The following ANKFN1 variants were observed in gnomAD, a reference collection of about 807,000 sequenced individuals.
The protein encoded by ANKFN1 is ankyrin repeat and fibronectin type-III domain-containing protein 1.
A neutral mutation model predicts 108.7 loss-of-function variants in ANKFN1; 74 were observed. The observed-to-expected ratio is 0.68, with a 90% CI of 0.56 to 0.83. The LOEUF (loss-of-function observed/expected upper bound fraction) is 0.83, where lower values mean the gene tolerates loss of function less well. Ranked by LOEUF, ANKFN1 falls within the 40% of genes least tolerant of loss-of-function variation. The probability of loss-of-function intolerance (pLI) is 0.00; values close to 1 mark genes in which losing one functional copy is unlikely to be tolerated. For missense variants in ANKFN1, 1,505 were observed against 1,382.3 expected, an observed-to-expected ratio of 1.09 and a Z score of -1.41; for synonymous variants, 547 against 516.2, an observed-to-expected ratio of 1.06 and a Z score of -0.81.
chr17:56,423,991 TGCAG>T (rs1212074154), intron 8 of ANKFN1, among the ~76,000 whole-genome samples: 67 of 152,224 alleles, frequency 4.4e-4, no homozygotes, highest in African/African-American at 1.6e-3. Flanking sequence ...GTCATTAAAA[TGCAG>T]TAATTACTAT....
At chr17:56,436,901 C>A (rs1431823338) in intron 8 of ANKFN1, among the ~76,000 whole-genome samples, 1 of 151,928 alleles carries the variant, frequency 6.6e-6, no homozygotes, top group Non-Finnish European at 1.5e-5. Flanking sequence ...CTCTGTTTCC[C>A]TCTTCATTCT....
intron 3 of ANKFN1, among the ~76,000 whole-genome samples, chr17:56,269,331 T>G (rs1457061836): frequency 6.6e-6 from 1 of 152,254 alleles, no homozygotes; most frequent in East Asian, 1.9e-4. Flanking sequence ...TTCTGGCATA[T>G]TCATTGTAAT....
intron 2 of ANKFN1, among the ~76,000 whole-genome samples, chr17:56,218,045 G>T (rs1199011902): frequency 2.0e-5 from 3 of 152,088 alleles, no homozygotes; most frequent in Non-Finnish European, 2.9e-5. Context: ...TGAGTCATTA[G>T]ATTCCAACAA....
intron 4 of ANKFN1, among the ~76,000 whole-genome samples, chr17:56,130,216 G>T (rs113763769): frequency 6.6e-5 from 10 of 152,296 alleles, no homozygotes; most frequent in African/African-American, 2.2e-4. Context: ...CTCGTGTCTT[G>T]CTCAGGAGGC....
intron 3 of ANKFN1, among the ~76,000 whole-genome samples, chr17:56,281,420 C>T (rs1037583100): frequency 2.0e-5 from 3 of 151,952 alleles, no homozygotes; most frequent in Admixed American, 6.6e-5. Context: ...GGATCACAGA[C>T]CTAAATGTAT....
In ANKFN1 at chr17:56,097,026, A is replaced by G. The variant is rs535728708; in HGVS notation, c.288+50701A>G. Among the ~76,000 whole-genome samples the G allele has an allele frequency of 2.6e-5, 4 of 152,292 alleles. No individual in the cohort carries two copies. In the South Asian group the frequency reaches 6.2e-4, roughly 24 times the overall value. ...TTAAGAGAGGAGCAGAAAACCAAAT[A>G]TCACATATACTCGATTATAAGTGGG... On this transcript the variant is annotated intron_variant, in intron 4 of 12. Coordinates refer to the ANKFN1 transcript ENST00000635860.
intron 3 of ANKFN1, among the ~76,000 whole-genome samples, chr17:56,252,048 A>G (rs2043246999): frequency 6.6e-6 from 1 of 152,252 alleles, no homozygotes; most frequent in Non-Finnish European, 1.5e-5. Flanking sequence ...TGTGAATTAC[A>G]GACTCTGGCT....
intron 3 of ANKFN1, among the ~76,000 whole-genome samples, chr17:56,248,378 C>T (rs1029045964): frequency 1.3e-5 from 2 of 152,114 alleles, no homozygotes; most frequent in African/African-American, 4.8e-5. Context: ...TCATGTTCCC[C>T]CAAAGTTTGT....
rs1005079221 is a variant in ANKFN1, at chr17:56,511,524, G to A, written c.*255G>A. ...GTCAACATGGAATACGACATACAGTGACTCAAACATGCCACCCTGTTGGTG... is the reference window on the plus strand; with the variant it reads ...GTCAACATGGAATACGACATACAGTAACTCAAACATGCCACCCTGTTGGTG... On this transcript the variant is annotated 3_prime_UTR_variant, in exon 21 of 21. Coordinates refer to ENST00000682825, the MANE Select transcript of ANKFN1 (RefSeq NM_001370326.1). The A allele has an allele frequency of 2.2e-6, 1 of 458,150 alleles. No individual in the cohort carries two copies. Among genetic ancestry groups the A allele is most frequent in the Non-Finnish European group, 3.9e-6 (1 of 259,418 alleles). The allele number at this position is 458,150 out of a possible 1,614,324, so 28.4% of individuals were successfully genotyped here. A position where few individuals can be genotyped will look rare whatever the true frequency, so the allele number is the denominator to read the frequency against.
chr17:56,221,563 G>A (rs962879629), intron 2 of ANKFN1, among the ~76,000 whole-genome samples: 3 of 152,100 alleles, frequency 2.0e-5, no homozygotes, highest in East Asian at 1.9e-4. Context: ...AATTTTAAAT[G>A]GTTAAAAATA....
At position 56,227,957 on chromosome 17, in the gene ANKFN1, TG is replaced by T; in HGVS notation, c.53+1del. The T allele has an allele frequency of 6.2e-7, 1 of 1,606,348 alleles. No homozygotes were observed. Among genetic ancestry groups the T allele is most frequent in the Non-Finnish European group, 8.5e-7 (1 of 1,177,392 alleles). ...GACAGGCATTTTACTTGCAGCAAAA[TG>T]TAAGTACATTTCCTCCTTGAAATGG... On this transcript the variant is annotated splice_donor_variant, in intron 3 of 20. Transcript: ENST00000682825. LOFTEE classifies it high-confidence loss of function.
Position 56,153,549 on chromosome 17 carries a change from T to C in ANKFN1, c.-71+19T>C. ...AACCAGGGTAGGAAAACAATAGTTC[T>C]AAATATCGGTAATTGGTGTTTGGAG... On this transcript the variant is annotated intron_variant, in intron 1 of 20. Coordinates refer to ENST00000682825, the MANE Select transcript of ANKFN1 (RefSeq NM_001370326.1). The C allele has an allele frequency of 6.2e-7, 1 of 1,613,556 alleles. No homozygotes were observed. Among genetic ancestry groups the C allele is most frequent in the South Asian group, 1.1e-5 (1 of 91,070 alleles).
intron 1 of ANKFN1, among the ~76,000 whole-genome samples, chr17:56,170,299 G>C (rs1910531016): frequency 6.6e-6 from 1 of 152,112 alleles, no homozygotes; most frequent in African/African-American, 2.4e-5. Flanking sequence ...GAGTAAGATA[G>C]ACACCTAAGC....
At chr17:56,240,316 T>G (rs1009918030) in intron 3 of ANKFN1, among the ~76,000 whole-genome samples, 1 of 152,102 alleles carries the variant, frequency 6.6e-6, no homozygotes, top group Non-Finnish European at 1.5e-5. Context: ...CATTCTGTAT[T>G]TTTTGTCAGT....
In ANKFN1 at chr17:56,371,718, C is replaced by G. The variant is rs368585751; in HGVS notation, c.602-928C>G. On this transcript the variant is annotated intron_variant, in intron 6 of 20. Transcript: ENST00000682825. ...GTGACCAAGTGACCATCGTGGCAGG[C>G]CCTCATATGCATAACAGCCATGAGG... Among the ~76,000 whole-genome samples the G allele has an allele frequency of 1.4e-4, 21 of 152,248 alleles. No homozygotes were observed. In the East Asian group the frequency reaches 2.5e-3, roughly 18 times the overall value.
intron 3 of ANKFN1, among the ~76,000 whole-genome samples, chr17:56,267,779 C>T (rs916723798): frequency 6.6e-6 from 1 of 152,138 alleles, no homozygotes; most frequent in Admixed American, 6.5e-5. Flanking sequence ...CAGTATCATG[C>T]TGTGTTGGTT....
At chr17:56,052,165 A>G (rs139474279) in intron 4 of ANKFN1, among the ~76,000 whole-genome samples, 1 of 152,160 alleles carries the variant, frequency 6.6e-6, no homozygotes, top group Non-Finnish European at 1.5e-5. Context: ...CCTGACTTCA[A>G]ACTATACTAC....
chr17:56,463,138 A>C (rs1315435713), intron 14 of ANKFN1, among the ~76,000 whole-genome samples: 1 of 152,230 alleles, frequency 6.6e-6, no homozygotes, highest in Admixed American at 6.5e-5. Context: ...TTTATTTAAC[A>C]GACTAGGTGC....
chr17:56,153,663 C>T, intron 1 of ANKFN1, 133 bp downstream of exon 1: 1 of 1,233,932 alleles, frequency 8.1e-7, no homozygotes, highest in Non-Finnish European at 1.2e-6. Context: ...CATGGTCAGG[C>T]AGAGGGAAAG....
Sources: allele counts gnomAD v4.1 joint callset (sites outside exome capture counted in the v4.1 genomes callset), GRCh38; gene constraint gnomAD v4.1.1; transcripts MANE v1.5; gene names NCBI Gene and HGNC (gene_info 2026-07-23, HGNC 2026-07-21).